TPMT: variants seen among roughly 807,000 people sequenced by gnomAD.
TPMT encodes thiopurine S-methyltransferase.
A neutral mutation model predicts 34.2 loss-of-function variants in TPMT; 18 were observed. The observed-to-expected ratio is 0.53, with a 90% CI of 0.36 to 0.78. The LOEUF (loss-of-function observed/expected upper bound fraction) is 0.78, where lower values mean the gene tolerates loss of function less well. Among genes scored for constraint, TPMT ranks in the 30% least tolerant of loss-of-function variants. TPMT has a pLI of 0.00. For synonymous variants in TPMT, 69 were observed against 92.4 expected (o/e 0.75, Z 1.45); for missense variants, 265 against 288.1 (o/e 0.92, Z 0.58).
intron 1 of TPMT, among the ~76,000 whole-genome samples, chr6:18,152,363 A>G (rs372931782): frequency 7.5e-4 from 114 of 152,162 alleles, no homozygotes; most frequent in African/African-American, 2.6e-3. Context: ...AAATTCTGTT[A>G]TTTTCAGGAG....
rs1489172587 is a variant in TPMT at position 18,139,145 on chromosome 6, AGG to A, written c.420-110_420-109del. ...GTACTTCAACAATCGTCAAGGTATT[AGG>A]ATCTCACGTCTGCGTTTCCTCCTAG... On this transcript the variant is annotated intron_variant, in intron 5 of 8. Transcript: ENST00000309983. The surrounding 1 kb of genome is among the most constrained non-coding windows in gnomAD (Gnocchi z 4.2). The A allele has an allele frequency of 5.0e-6, 5 of 997,796 alleles. No homozygotes were observed. The highest frequency in any genetic ancestry group is 8.0e-6 in the Non-Finnish European group (5 of 621,340). The allele number at this position is 997,796 out of a possible 1,614,324, so 61.8% of individuals were successfully genotyped here. A position where few individuals can be genotyped will look rare whatever the true frequency, so the allele number is the denominator to read the frequency against.
In TPMT at chr6:18,133,836, CA is replaced by C. The variant is rs1229540950; in HGVS notation, c.547del (p.Cys183ValfsTer65). The C allele has an allele frequency of 6.2e-7, 1 of 1,611,122 alleles. No homozygotes were observed. The highest frequency in any genetic ancestry group is 1.3e-5 in the African/African-American group (1 of 74,368). ...TTTAGTTGGATCATAAGAAAGAACA[CA>C]CAGGAGATACTGAAACTTCTTTCCC... is the stretch of plus-strand genomic sequence containing the variant. ...LLGKKFQYLLCVLSYDPTKHP... is the reference protein window; with the variant it reads ...LLGKKFQYLLXVLSYDPTKHP... On this transcript the variant is annotated frameshift_variant, in exon 7 of 9. Transcript: ENST00000309983. LOFTEE classifies it high-confidence loss of function.
At position 18,130,702 on chromosome 6, in the gene TPMT, A is replaced by G. The variant is rs781105138; in HGVS notation, c.704T>C (p.Leu235Pro). Residue 235 changes from leucine to proline, a missense_variant, in exon 9 of 9, where the codon CTT becomes CCT. Coordinates refer to ENST00000309983, the MANE Select transcript of TPMT (RefSeq NM_000367.5). The surrounding 1 kb of genome is among the most constrained non-coding windows in gnomAD (Gnocchi z 4.2). The stretch of plus-strand genomic sequence containing the variant: ...TGTAAGTAGATATAACTTTTCAAAA[A>G]GACAGTCAATTCCCCAACTTTTATG... ...ERHKSWGIDC[L>P]FEKLYLLTEK 4 of 1,612,818 alleles carry G rather than the reference A, an allele frequency of 2.5e-6. No homozygotes were observed. The Admixed American group carries it at 6.7e-5, about 27-fold the overall frequency.
Position 18,130,480 on chromosome 6 carries a change from T to A in TPMT, c.*188A>T. ...AAAGGAGCTACTTTAAAAGTTTAGTTACATCTTTTTCTTCTAAAACTTTTT... is the reference window on the plus strand; with the variant it reads ...AAAGGAGCTACTTTAAAAGTTTAGTAACATCTTTTTCTTCTAAAACTTTTT... On this transcript the variant is annotated 3_prime_UTR_variant, in exon 9 of 9. Transcript: ENST00000309983. The surrounding 1 kb of genome is among the most constrained non-coding windows in gnomAD (Gnocchi z 4.2). 6 of 549,876 alleles carry A rather than the reference T, an allele frequency of 1.1e-5. No individual in the cohort carries two copies. The South Asian group carries it at 1.3e-4, about 12-fold the overall frequency. 34.1% of individuals were successfully genotyped at this position (549,876 alleles called of 1,614,324 possible).
At position 18,129,465 on chromosome 6, in the gene TPMT, G is replaced by GTAAC. The variant is rs1187490942; in HGVS notation, c.*1199_*1202dup. On this transcript the variant is annotated 3_prime_UTR_variant, in exon 9 of 9. Coordinates refer to ENST00000309983, the MANE Select transcript of TPMT (RefSeq NM_000367.5). The stretch of plus-strand genomic sequence containing the variant: ...TGCGTGCATGCGTGCACACACACAC[G>GTAAC]TAACTCGTTTTTTATAATACACAAC... The GTAAC allele has an allele frequency of 2.0e-5, 3 of 152,122 alleles. No individual in the cohort carries two copies. Among genetic ancestry groups the GTAAC allele is most frequent in the Non-Finnish European group, 4.4e-5 (3 of 68,032 alleles). The allele number at this position is 152,122 out of a possible 1,614,324, so 9.4% of individuals were successfully genotyped here.
rs752243012 is a variant in TPMT at position 18,138,044 on chromosome 6, T to C, written c.494+919A>G. Among the ~76,000 whole-genome samples, 1 of 152,160 alleles carries C rather than the reference T, an allele frequency of 6.6e-6. No homozygotes were observed. Among genetic ancestry groups the C allele is most frequent in the Non-Finnish European group, 1.5e-5 (1 of 68,038 alleles). On this transcript the variant is annotated intron_variant, in intron 6 of 8. Coordinates refer to ENST00000309983, the MANE Select transcript of TPMT (RefSeq NM_000367.5). The surrounding 1 kb of genome is among the most constrained non-coding windows in gnomAD (Gnocchi z 4.1). ...ATCCGCCCACCTTGGCCTCCCAAAG[T>C]GCTAGGATTACAGGCGTGAGCCACC... is the stretch of plus-strand genomic sequence containing the variant.
intron 4 of TPMT, among the ~76,000 whole-genome samples, chr6:18,142,404 A>C (rs993477527): frequency 3.3e-5 from 5 of 152,114 alleles, no homozygotes; most frequent in African/African-American, 1.2e-4. Flanking sequence ...AGGATCAGCC[A>C]GAGAAAGGCA....
rs34826076 is a variant in TPMT, at chr6:18,139,742, ATT to A, written c.367-27_367-26del. ...TCTGTAATGAAATAATGAAAAAAAA[ATT>A]TTTTTTTTTTACTTAGTAAGTACTT... On this transcript the variant is annotated intron_variant, in intron 4 of 8. Coordinates refer to ENST00000309983, the MANE Select transcript of TPMT (RefSeq NM_000367.5). This position sits in a 1 kb window ranked among gnomAD's most constrained non-coding sequence, Gnocchi z 4.2. 66,747 of 635,748 alleles carry A rather than the reference ATT, an allele frequency of 0.1. 1,541 individuals are homozygous for A. The highest frequency in any genetic ancestry group is 0.12 in the Non-Finnish European group (53,186 of 430,174). The allele number at this position is 635,748 out of a possible 1,614,324, so 39.4% of individuals were successfully genotyped here. A position where few individuals can be genotyped will look rare whatever the true frequency, so the allele number is the denominator to read the frequency against.
chr6:18,142,348 T>C (rs1461103993), intron 4 of TPMT, among the ~76,000 whole-genome samples: 1 of 152,112 alleles, frequency 6.6e-6, no homozygotes, highest in Non-Finnish European at 1.5e-5. Context: ...ACTTGGTCAA[T>C]GACTGCCAGC....
At chr6:18,147,987 T>G in intron 2 of TPMT, 72 bp from the exon 3 acceptor site, 2 of 1,155,718 alleles carry the variant, frequency 1.7e-6, no homozygotes, top group Non-Finnish European at 2.6e-6. Flanking sequence ...ATTATCTCAC[T>G]TAATATTCCC....
At position 18,130,754 on chromosome 6, in the gene TPMT, C is replaced by A; in HGVS notation, c.652G>T (p.Glu218Ter). The change falls in exon 9 of 9, where the codon GAG becomes TAG. Residue 218 changes from glutamate to a stop codon, truncating the protein, a stop_gained. Transcript: ENST00000309983. LOFTEE classifies it high-confidence loss of function. This position sits in a 1 kb window ranked among gnomAD's most constrained non-coding sequence, Gnocchi z 4.2. ...CGTTCTTCAAAAGCATCAACCTTCT[C>A]AAGACAACGTATATTGCATATTTTA... ...FGKICNIRCL[E>*]KVDAFEERHK... 1.2e-6 allele frequency: 2 copies of A among 1,613,584 alleles called. No individual in the cohort carries two copies. The highest frequency in any genetic ancestry group is 1.7e-6 in the Non-Finnish European group (2 of 1,179,836).
chr6:18,151,086 G>T (rs1039563053), intron 1 of TPMT, among the ~76,000 whole-genome samples: 1 of 151,584 alleles, frequency 6.6e-6, no homozygotes, highest in African/African-American at 2.4e-5. Flanking sequence ...ACCCGGTATG[G>T]TAAATTTCTC....
intron 6 of TPMT, 35 bp from the exon 7 acceptor site, chr6:18,133,924 C>A: frequency 6.3e-7 from 1 of 1,575,690 alleles, no homozygotes; most frequent in Non-Finnish European, 8.7e-7. Context: ...TGTTACATTT[C>A]TCTACACAGG....
chr6:18,147,788 G>A (rs4449636), intron 3 of TPMT, 35 bp downstream of exon 3: 842,922 of 1,570,128 alleles, frequency 0.54, 228,187 homozygotes, highest in African/African-American at 0.69. Context: ...CATCATTAAG[G>A]CAAGATAATT....
rs1783972819 is a variant in TPMT, at chr6:18,132,918, A to C, written c.581-741T>G. ...AGACCAGCTTGGCCAACATGGTGAA[A>C]TCCTGTCTCTACTAAAAATACAGAA... On this transcript the variant is annotated intron_variant, in intron 7 of 8. Coordinates refer to ENST00000309983, the MANE Select transcript of TPMT (RefSeq NM_000367.5). The surrounding 1 kb of genome is among the most constrained non-coding windows in gnomAD (Gnocchi z 4.8). Among the ~76,000 whole-genome samples, 1 of 152,040 alleles carries C rather than the reference A, an allele frequency of 6.6e-6. No homozygotes were observed. The highest frequency in any genetic ancestry group is 1.5e-5 in the Non-Finnish European group (1 of 68,018).
rs1047464419 is a variant in TPMT, at chr6:18,131,633, C to T, written c.625+500G>A. On this transcript the variant is annotated intron_variant, in intron 8 of 8. Coordinates refer to ENST00000309983, the MANE Select transcript of TPMT (RefSeq NM_000367.5). This position sits in a 1 kb window ranked among gnomAD's most constrained non-coding sequence, Gnocchi z 4.3. ...CCATCTCTCTAGAAAAGTTCAAATA[C>T]CTTTAACATAGAGCATATAGCATAT... 6.6e-6 allele frequency among the ~76,000 whole-genome samples: 1 copy of T among 151,976 alleles called. No individual in the cohort carries two copies. The highest frequency in any genetic ancestry group is 2.1e-4 in the South Asian group (1 of 4,816).
rs374269887 is a variant in TPMT at position 18,141,403 on chromosome 6, G to T, written c.367-1686C>A. Among the ~76,000 whole-genome samples, 511 of 150,728 alleles carry T rather than the reference G, an allele frequency of 3.4e-3. 4 individuals are homozygous for T. Among genetic ancestry groups the T allele is most frequent in the African/African-American group, 0.012 (496 of 40,952 alleles). On this transcript the variant is annotated intron_variant, in intron 4 of 8. Coordinates refer to ENST00000309983, the MANE Select transcript of TPMT (RefSeq NM_000367.5). ...TGCCCAGGCTGGAGTGCAGTGGTGC[G>T]ATCTTGGCTCGCTGCAACCTCCACC...
At position 18,145,595 on chromosome 6, in the gene TPMT, C is replaced by G. The variant is rs1161435831; in HGVS notation, c.234-1867G>C. ...TTATCTACAAAAGAGTACGTACTTT[C>G]AATGTGGGCAGAGCATGAACTGTTT... is the stretch of plus-strand genomic sequence containing the variant. On this transcript the variant is annotated intron_variant, in intron 3 of 8. Transcript: ENST00000309983. The surrounding 1 kb of genome is among the most constrained non-coding windows in gnomAD (Gnocchi z 5.6). Among the ~76,000 whole-genome samples the G allele has an allele frequency of 6.6e-6, 1 of 152,156 alleles. No homozygotes were observed. The highest frequency in any genetic ancestry group is 1.5e-5 in the Non-Finnish European group (1 of 68,020).
intron 3 of TPMT, among the ~76,000 whole-genome samples, chr6:18,147,091 A>C (rs1318810020): frequency 1.3e-5 from 2 of 151,330 alleles, no homozygotes; most frequent in Non-Finnish European, 2.9e-5. Context: ...CACCTGGCGC[A>C]TTTACTAACC....
Sources: allele counts gnomAD v4.1 joint callset (sites outside exome capture counted in the v4.1 genomes callset), GRCh38; gene constraint gnomAD v4.1.1; non-coding constraint Gnocchi (gnomAD v3.1); transcripts MANE v1.5; gene names NCBI Gene and HGNC (gene_info 2026-07-23, HGNC 2026-07-21).